KCNIP1: variants seen among roughly 807,000 people sequenced by gnomAD.
KCNIP1 encodes A-type potassium channel modulatory protein KCNIP1.
Under a neutral mutation model 33.0 loss-of-function variants are expected in KCNIP1, and 18 were observed. The observed-to-expected ratio is 0.55, with a 90% CI of 0.38 to 0.81. KCNIP1 has a LOEUF of 0.81. KCNIP1 is among the 30% of genes least tolerant of loss of function. The pLI is 0.00. For missense variants in KCNIP1, 238 were observed against 271.6 expected (o/e 0.88, Z 0.87); for synonymous variants, 93 against 98.3 (o/e 0.95, Z 0.32).
At chr5:170,413,691 G>A (rs924513005) in intron 1 of KCNIP1, among the ~76,000 whole-genome samples, 11 of 152,038 alleles carry the variant, frequency 7.2e-5, no homozygotes, top group Admixed American at 6.5e-5. Flanking sequence ...TCCTGACTGC[G>A]TCCTTGGCTT....
chr5:170,419,106 ACGT>A (rs985369502), intron 1 of KCNIP1, among the ~76,000 whole-genome samples: 3 of 152,224 alleles, frequency 2.0e-5, no homozygotes, highest in Non-Finnish European at 4.4e-5. Context: ...TAACGTGTAA[ACGT>A]CGTTGTCCAG....
chr5:170,446,897 T>C (rs1756129605), intron 1 of KCNIP1, among the ~76,000 whole-genome samples: 1 of 152,218 alleles, frequency 6.6e-6, no homozygotes, highest in South Asian at 2.1e-4. Context: ...GTGAACCTGC[T>C]CCAGGTCCTG....
chr5:170,367,689 C>G (rs1202632294), intron 1 of KCNIP1, among the ~76,000 whole-genome samples: 1 of 152,222 alleles, frequency 6.6e-6, no homozygotes, highest in Non-Finnish European at 1.5e-5. Context: ...ATCTGTCACT[C>G]CCTTTCCACT....
In KCNIP1 at chr5:170,353,861, G is replaced by A. The variant is rs780669360; in HGVS notation, c.-16G>A. 55 of 1,612,924 alleles carry A rather than the reference G, an allele frequency of 3.4e-5. No individual in the cohort carries two copies. The South Asian group carries it at 5.1e-4, about 15-fold the overall frequency. Reference sequence around the variant, plus strand: ...TTCTGGGTGCTGACAGCAGAGCCTGGCTCCCCTCCGCCACCATGAGCGGCT... The same window carrying A: ...TTCTGGGTGCTGACAGCAGAGCCTGACTCCCCTCCGCCACCATGAGCGGCT... On this transcript the variant is annotated 5_prime_UTR_variant, in exon 1 of 8. Coordinates refer to the KCNIP1 transcript ENST00000377360.
intron 1 of KCNIP1, among the ~76,000 whole-genome samples, chr5:170,369,543 G>A (rs1306808792): frequency 6.6e-6 from 1 of 152,186 alleles, no homozygotes; most frequent in African/African-American, 2.4e-5. Context: ...TGCCCCGCTG[G>A]TATCCATACC....
intron 1 of KCNIP1, 128 bp from the exon 2 acceptor site, chr5:170,718,630 G>A: frequency 9.6e-7 from 1 of 1,042,936 alleles, no homozygotes; most frequent in Non-Finnish European, 1.4e-6. Flanking sequence ...AAGGCCATTG[G>A]CAGTGTGACC....
intron 5 of KCNIP1, among the ~76,000 whole-genome samples, chr5:170,729,930 G>C (rs1764137983): frequency 6.6e-6 from 1 of 152,028 alleles, no homozygotes. Context: ...AGAGTCTTCA[G>C]GTAATAGTGC....
At chr5:170,435,006 C>A (rs960715887) in intron 1 of KCNIP1, among the ~76,000 whole-genome samples, 2 of 152,214 alleles carry the variant, frequency 1.3e-5, no homozygotes, top group African/African-American at 4.8e-5. Flanking sequence ...AGCTCTCAGT[C>A]AGCTGCCAGC....
chr5:170,577,955 T>C (rs912856564), intron 1 of KCNIP1, among the ~76,000 whole-genome samples: 1 of 152,110 alleles, frequency 6.6e-6, no homozygotes, highest in Non-Finnish European at 1.5e-5. Flanking sequence ...AATTTTTTGC[T>C]ATCCTAAAAA....
intron 1 of KCNIP1, among the ~76,000 whole-genome samples, chr5:170,646,286 CAGAAA>C (rs1372660372): frequency 3.9e-5 from 6 of 152,140 alleles, no homozygotes; most frequent in South Asian, 2.1e-4. Flanking sequence ...ACAAAGACAT[CAGAAA>C]AGAAAACTAC....
intron 1 of KCNIP1, among the ~76,000 whole-genome samples, chr5:170,548,963 G>A (rs1756509141): frequency 6.6e-6 from 1 of 152,208 alleles, no homozygotes; most frequent in Admixed American, 6.5e-5. Flanking sequence ...GCTGGTACCT[G>A]TAGCATGGGG....
chr5:170,413,268 C>T (rs574654108), intron 1 of KCNIP1, among the ~76,000 whole-genome samples: 4 of 152,304 alleles, frequency 2.6e-5, no homozygotes, highest in Admixed American at 2.6e-4. Flanking sequence ...TTTCAGGGCC[C>T]TCTGGCTGGG....
At chr5:170,409,440 A>C (rs1348892932) in intron 1 of KCNIP1, among the ~76,000 whole-genome samples, 1 of 152,186 alleles carries the variant, frequency 6.6e-6, no homozygotes, top group East Asian at 1.9e-4. Context: ...CAACAAGTTC[A>C]AGTCACTTCT....
At position 170,452,281 on chromosome 5, in the gene KCNIP1, C is replaced by T. The variant is rs114612212; in HGVS notation, c.88+98317C>T. Among the ~76,000 whole-genome samples, 261 of 152,312 alleles carry T rather than the reference C, an allele frequency of 1.7e-3. 1 individual carries two copies. Among genetic ancestry groups the T allele is most frequent in the African/African-American group, 6.0e-3 (249 of 41,568 alleles). Reference sequence around the variant, plus strand: ...GTTGAGGAGGATGATTAATCTCCTTCTTCGAAAACTCAGAGAATCTTTATT... The same window carrying T: ...GTTGAGGAGGATGATTAATCTCCTTTTTCGAAAACTCAGAGAATCTTTATT... On this transcript the variant is annotated intron_variant, in intron 1 of 7. Transcript: ENST00000377360.
In KCNIP1 at chr5:170,597,846, AAGAG is replaced by A. The variant is rs565473388; in HGVS notation, c.61+93223_61+93226del. ...ATATATATATGAAAGAAAGAAAGAA[AAGAG>A]AGAGAGAGAAAGACACAAAGGGGAA... On this transcript the variant is annotated intron_variant, in intron 1 of 7. Coordinates refer to ENST00000328939, the MANE Select transcript of KCNIP1 (RefSeq NM_014592.4). Among the ~76,000 whole-genome samples, 625 of 139,606 alleles carry A rather than the reference AAGAG, an allele frequency of 4.5e-3. 5 individuals carry two copies. The highest frequency in any genetic ancestry group is 0.015 in the African/African-American group (557 of 37,080). The allele number at this position is 139,606 out of a possible 152,430, so 91.6% of individuals were successfully genotyped here. A position where few individuals can be genotyped will look rare whatever the true frequency, so the allele number is the denominator to read the frequency against.
At chr5:170,734,600 G>A (rs1057420496) in intron 7 of KCNIP1, among the ~76,000 whole-genome samples, 1 of 152,136 alleles carries the variant, frequency 6.6e-6, no homozygotes, top group Non-Finnish European at 1.5e-5. Context: ...GACTGAACTG[G>A]AAATAATTGC....
intron 5 of KCNIP1, among the ~76,000 whole-genome samples, chr5:170,725,356 G>A (rs1465195554): frequency 1.3e-5 from 2 of 152,120 alleles, no homozygotes; most frequent in Admixed American, 6.5e-5. Context: ...AATAGAATGA[G>A]ATTTAATCAT....
At chr5:170,354,899 T>C (rs1763304433) in intron 1 of KCNIP1, among the ~76,000 whole-genome samples, 1 of 152,126 alleles carries the variant, frequency 6.6e-6, no homozygotes, top group African/African-American at 2.4e-5. Context: ...GGAAGAGTCT[T>C]TGGGGGCTGG....
chr5:170,397,407 T>C (rs1754788803), intron 1 of KCNIP1, among the ~76,000 whole-genome samples: 1 of 152,122 alleles, frequency 6.6e-6, no homozygotes, highest in Admixed American at 6.6e-5. Context: ...GGGGCTTACA[T>C]AGATATCAGT....
Sources: allele counts gnomAD v4.1 joint callset (sites outside exome capture counted in the v4.1 genomes callset), GRCh38; gene constraint gnomAD v4.1.1; transcripts MANE v1.5; gene names NCBI Gene and HGNC (gene_info 2026-07-23, HGNC 2026-07-21).